The following TMEM132D variants were observed in gnomAD, a reference collection of about 807,000 sequenced individuals.
The protein encoded by TMEM132D is mature OL transmembrane protein.
Under a neutral mutation model 62.3 loss-of-function variants are expected in TMEM132D, and 21 were observed. The ratio of observed to expected loss-of-function variants is 0.34; its 90% CI spans 0.24 to 0.49. The LOEUF is 0.49. Among genes scored for constraint, TMEM132D ranks in the 20% least tolerant of loss-of-function variants. TMEM132D has a pLI of 0.99. For missense variants in TMEM132D, 1,346 were observed against 1,402.8 expected, an observed-to-expected ratio of 0.96 and a Z score of 0.65; for synonymous variants, 621 against 575.6, an observed-to-expected ratio of 1.08 and a Z score of -1.13.
intron 3 of TMEM132D, among the ~76,000 whole-genome samples, chr12:129,425,284 C>T (rs1207431950): frequency 6.6e-6 from 1 of 152,078 alleles, no homozygotes; most frequent in Non-Finnish European, 1.5e-5. Flanking sequence ...AAACTGCTGG[C>T]CCATATGGGA....
chr12:129,760,323 C>CTTTTTTT (rs71082753), intron 1 of TMEM132D, among the ~76,000 whole-genome samples: 2 of 115,502 alleles, frequency 1.7e-5, no homozygotes, highest in African/African-American at 3.6e-5. Flanking sequence ...AAGCCACTTT[C>CTTTTTTT]TTTTTTTTTT....
chr12:129,302,314 C>T (rs909647444), intron 4 of TMEM132D, among the ~76,000 whole-genome samples: 58 of 152,198 alleles, frequency 3.8e-4, no homozygotes, highest in Non-Finnish European at 1.5e-4. Context: ...GGGGTTTCAC[C>T]ATGTTGGCCA....
chr12:129,304,662 CTTTTTTTTTTTT>C (rs35812965), intron 4 of TMEM132D, among the ~76,000 whole-genome samples: 2 of 93,606 alleles, frequency 2.1e-5, no homozygotes, highest in African/African-American at 8.1e-5. Flanking sequence ...ATACTTGGAT[CTTTTTTTTTTTT>C]TTTTTTTTTT....
In TMEM132D at chr12:129,665,664, G is replaced by T. The variant is rs566427823; in HGVS notation, c.968+34146C>A. On this transcript the variant is annotated intron_variant, in intron 2 of 8. Transcript: ENST00000422113. ...TCTAGACTTTGCAACAAGGCTAAAA[G>T]ACATCTTTATGGGTAGAGACTTGCT... is the stretch of plus-strand genomic sequence containing the variant. 1.4e-4 allele frequency among the ~76,000 whole-genome samples: 21 copies of T among 152,200 alleles called. No individual in the cohort carries two copies. In the South Asian group the frequency reaches 4.4e-3, roughly 32 times the overall value.
chr12:129,327,031 AC>A (rs1245710674), intron 4 of TMEM132D, among the ~76,000 whole-genome samples: 2 of 152,174 alleles, frequency 1.3e-5, no homozygotes, highest in East Asian at 3.9e-4. Context: ...CGTGTTGACA[AC>A]CCAAACATCA....
intron 3 of TMEM132D, among the ~76,000 whole-genome samples, chr12:129,342,323 G>A (rs1022502765): frequency 1.3e-5 from 2 of 152,268 alleles, no homozygotes; most frequent in African/African-American, 4.8e-5. Flanking sequence ...AAGCAATGGG[G>A]AAAGGATTCC....
chr12:129,681,184 G>A (rs899210974), intron 2 of TMEM132D, among the ~76,000 whole-genome samples: 2 of 152,202 alleles, frequency 1.3e-5, no homozygotes, highest in Non-Finnish European at 2.9e-5. Context: ...CTTCTTGCAA[G>A]TGGGGCTGAT....
intron 2 of TMEM132D, chr12:129,683,075 C>A (rs1332240664): frequency 6.6e-6 from 1 of 151,016 alleles, no homozygotes; most frequent in Non-Finnish European, 1.5e-5. Flanking sequence ...TAATCTTCAA[C>A]AAATATATGT....
chr12:129,193,346 T>C (rs1392757568), intron 5 of TMEM132D, among the ~76,000 whole-genome samples: 2 of 151,896 alleles, frequency 1.3e-5, no homozygotes, highest in African/African-American at 4.8e-5. Context: ...TTTTTTTTTG[T>C]GGTCACAGAA....
intron 1 of TMEM132D, among the ~76,000 whole-genome samples, chr12:129,720,534 G>A (rs1868783918): frequency 6.6e-6 from 1 of 152,140 alleles, no homozygotes; most frequent in African/African-American, 2.4e-5. Context: ...ATCATTTTGT[G>A]AATGTTAAGA....
At chr12:129,103,266 G>A (rs1320802333) in intron 5 of TMEM132D, among the ~76,000 whole-genome samples, 3 of 152,134 alleles carry the variant, frequency 2.0e-5, no homozygotes, top group African/African-American at 7.2e-5. Flanking sequence ...GGACAGTAAT[G>A]CTTCACCCCA....
At chr12:129,372,063 G>C (rs565286664) in intron 3 of TMEM132D, among the ~76,000 whole-genome samples, 2 of 152,352 alleles carry the variant, frequency 1.3e-5, no homozygotes, top group African/African-American at 4.8e-5. Context: ...GAAGAGATTA[G>C]CATTTGAGTT....
intron 3 of TMEM132D, among the ~76,000 whole-genome samples, chr12:129,487,027 C>A (rs934172709): frequency 1.0e-5 from 1 of 99,026 alleles, no homozygotes; most frequent in East Asian, 2.8e-4. Flanking sequence ...CGAATGTTTG[C>A]GTATGGGGGG....
chr12:129,159,937 T>C (rs181107299), intron 5 of TMEM132D, among the ~76,000 whole-genome samples: 91 of 152,156 alleles, frequency 6.0e-4, no homozygotes, highest in African/African-American at 2.1e-3. Flanking sequence ...TGTACAACAG[T>C]TTCTCATCTC....
chr12:129,482,490 C>T (rs1874456877), intron 3 of TMEM132D, among the ~76,000 whole-genome samples: 3 of 151,878 alleles, frequency 2.0e-5, no homozygotes, highest in African/African-American at 7.3e-5. Context: ...TTTGTAGAAG[C>T]GTAGAAAAAA....
At position 129,700,544 on chromosome 12, in the gene TMEM132D, C is replaced by T. The variant is rs1339359970; in HGVS notation, c.234G>A (p.Arg78=). Residue 78 remains arginine, a synonymous_variant, in exon 2 of 9, where the codon CGG becomes CGA. Transcript: ENST00000422113. ...DIMRNSSLQS[R]VESFLIYKSR... ...ATTTGTAAATCAGAAATGACTCCAC[C>T]CGGGACTGCAGGCTGGAGTTCCTCA... 6.2e-7 allele frequency: 1 copy of T among 1,614,034 alleles called. No individual in the cohort carries two copies. The highest frequency in any genetic ancestry group is 8.5e-7 in the Non-Finnish European group (1 of 1,180,010).
chr12:129,449,198 G>A lies in TMEM132D; in HGVS notation c.1115+81861C>T, dbSNP rs117752074. On this transcript the variant is annotated intron_variant, in intron 3 of 8. Coordinates refer to ENST00000422113, the MANE Select transcript of TMEM132D (RefSeq NM_133448.3). ...GAGTTCAAATGTGAGAGCAGTCACCGCATCAGTGTTTGACCTGGGGAAAAC... is the reference window on the plus strand; with the variant it reads ...GAGTTCAAATGTGAGAGCAGTCACCACATCAGTGTTTGACCTGGGGAAAAC... 4.6e-3 allele frequency among the ~76,000 whole-genome samples: 701 copies of A among 152,318 alleles called. 3 individuals carry two copies. The highest frequency in any genetic ancestry group is 6.3e-3 in the Non-Finnish European group (431 of 68,032).
At chr12:129,326,606 A>G (rs1269758971) in intron 4 of TMEM132D, among the ~76,000 whole-genome samples, 1 of 152,232 alleles carries the variant, frequency 6.6e-6, no homozygotes, top group Non-Finnish European at 1.5e-5. Context: ...TGCAGGGTGG[A>G]ATCGTTGCAC....
intron 5 of TMEM132D, among the ~76,000 whole-genome samples, chr12:129,140,172 T>C (rs193041280): frequency 5.9e-4 from 89 of 151,972 alleles, no homozygotes; most frequent in Admixed American, 1.2e-3. Context: ...GTCAATTGTA[T>C]GGTGTACTAA....
Sources: gnomAD v4.1 joint callset for allele counts (sites outside exome capture counted in the v4.1 genomes callset) on GRCh38, gnomAD v4.1.1 for gene constraint, MANE v1.5 for transcripts, NCBI Gene and HGNC (gene_info 2026-07-23, HGNC 2026-07-21) for gene names.